CCDC57: variants seen among roughly 807,000 people sequenced by gnomAD.
The protein encoded by CCDC57 is coiled-coil domain-containing protein 57.
In CCDC57, 118 loss-of-function variants were observed where a neutral mutation model predicts 118.9. That is an observed-to-expected ratio of 0.99 (90% CI 0.86 to 1.16). The LOEUF (loss-of-function observed/expected upper bound fraction) is 1.16. Among genes scored for constraint, CCDC57 ranks in the 50% most tolerant of loss-of-function variants. The probability of loss-of-function intolerance (pLI) is 0.00; values close to 1 mark genes in which losing one functional copy is unlikely to be tolerated. For missense variants in CCDC57, 1,300 were observed against 1,320.7 expected, an observed-to-expected ratio of 0.98 and a Z score of 0.24; for synonymous variants, 527 against 532.9, an observed-to-expected ratio of 0.99 and a Z score of 0.15.
intron 13 of CCDC57, among the ~76,000 whole-genome samples, chr17:82,170,562 AGG>A (rs1568347222): frequency 6.7e-6 from 1 of 149,068 alleles, no homozygotes; most frequent in Non-Finnish European, 1.5e-5. Context: ...GCAGCGGGGG[AGG>A]AGTCACGTGA....
chr17:82,105,985 C>T (rs945957875), intron 19 of CCDC57, among the ~76,000 whole-genome samples: 4 of 152,228 alleles, frequency 2.6e-5, no homozygotes, highest in African/African-American at 9.6e-5. Flanking sequence ...GAGGTGGGCC[C>T]TCGGGGGCCT....
At chr17:82,159,634 T>A (rs1277621598) in intron 14 of CCDC57, among the ~76,000 whole-genome samples, 1 of 152,072 alleles carries the variant, frequency 6.6e-6, no homozygotes, top group Non-Finnish European at 1.5e-5. Flanking sequence ...AAACATCATG[T>A]CGCATACCAT....
At chr17:82,163,316 C>T (rs769520246) in exon 14 of CCDC57, 4 of 1,613,704 alleles carry the variant, frequency 2.5e-6, no homozygotes, top group South Asian at 2.2e-5. Flanking sequence ...GCTTGACCAG[C>T]TTGGACAGAC....
intron 16 of CCDC57, among the ~76,000 whole-genome samples, chr17:82,151,006 C>T (rs1598945322): frequency 1.9e-5 from 2 of 103,394 alleles, no homozygotes; most frequent in African/African-American, 3.6e-5. Flanking sequence ...CAGGCACACA[C>T]CCAGAACCTG....
chr17:82,159,689 TG>T (rs1227416971), intron 14 of CCDC57, among the ~76,000 whole-genome samples: 2 of 130,610 alleles, frequency 1.5e-5, no homozygotes, highest in African/African-American at 5.7e-5. Flanking sequence ...TTTTTTTTTT[TG>T]AGACGGAGTC....
rs768381628 is a variant in CCDC57, at chr17:82,135,734, G to A, written c.2456-1540C>T. Among the ~76,000 whole-genome samples, 9 of 152,164 alleles carry A rather than the reference G, an allele frequency of 5.9e-5. No individual in the cohort carries two copies. In the East Asian group the frequency reaches 1.2e-3, roughly 20 times the overall value. On this transcript the variant is annotated intron_variant, in intron 16 of 19. Coordinates refer to ENST00000665763, the Ensembl canonical transcript of CCDC57. ...AAAATCAAGCCCACTATGGGATCCC[G>A]CCTCACACCCACTAGGTTGGCTGGG...
At chr17:82,127,407 C>T (rs73360060) in intron 19 of CCDC57, 564,580 of 979,276 alleles carry the variant, frequency 0.58, 165,007 homozygotes, top group Non-Finnish European at 0.59. Flanking sequence ...AGTCAGCCTG[C>T]GCCCGGGTGT....
chr17:82,196,258 A>C (rs1263050745), intron 4 of CCDC57, among the ~76,000 whole-genome samples: 1 of 152,240 alleles, frequency 6.6e-6, no homozygotes, highest in Non-Finnish European at 1.5e-5. Context: ...CACTACTTAG[A>C]AAAGTCACCA....
At chr17:82,188,051 C>CAAA (rs11346964) in intron 8 of CCDC57, among the ~76,000 whole-genome samples, 168 bp downstream of exon 7, 4 of 124,416 alleles carry the variant, frequency 3.2e-5, no homozygotes, top group Non-Finnish European at 3.5e-5. Context: ...AAAGAAAAGG[C>CAAA]AAAAAAAAAA....
chr17:82,200,461 T>C (rs2048861674), intron 3 of CCDC57, among the ~76,000 whole-genome samples: 1 of 152,170 alleles, frequency 6.6e-6, no homozygotes, highest in Non-Finnish European at 1.5e-5. Flanking sequence ...AAGAATAGTT[T>C]ACTCCTGCGG....
At chr17:82,130,813 T>C (rs531479123) in intron 17 of CCDC57, among the ~76,000 whole-genome samples, 1 of 140,438 alleles carries the variant, frequency 7.1e-6, no homozygotes, top group Non-Finnish European at 1.6e-5. Context: ...TCCTTTTTTT[T>C]GGGGGGGTGG....
Position 82,209,909 on chromosome 17 carries a change from A to T in CCDC57, c.-210-1861T>A, listed in dbSNP as rs545805609. ...AAGAAGAAATGGCATCCCAGTAGCA[A>T]TATGTCTATCTGGTACTGGGATCTT... On this transcript the variant is annotated intron_variant, in intron 1 of 19. Transcript: ENST00000665763. Among the ~76,000 whole-genome samples the T allele has an allele frequency of 2.6e-5, 4 of 152,328 alleles. No homozygotes were observed. The East Asian group carries it at 7.7e-4, about 29-fold the overall frequency.
At chr17:82,163,450 C>T (rs1000326371) in intron 13 of CCDC57, 93 bp from the exon 13 acceptor site, 10 of 1,482,190 alleles carry the variant, frequency 6.7e-6, no homozygotes, top group Middle Eastern at 1.8e-4. Flanking sequence ...CTCCCTTTCC[C>T]GTGAGGCCAT....
At chr17:82,147,663 G>A (rs1408513842) in intron 16 of CCDC57, among the ~76,000 whole-genome samples, 1 of 146,786 alleles carries the variant, frequency 6.8e-6, no homozygotes, top group Non-Finnish European at 1.5e-5. Context: ...ATACATGGAA[G>A]GGTGGGTGGG....
chr17:82,144,504 G>A (rs115351885), intron 16 of CCDC57, among the ~76,000 whole-genome samples: 3 of 152,060 alleles, frequency 2.0e-5, no homozygotes, highest in Admixed American at 6.6e-5. Context: ...GAAAAGATGG[G>A]GCTGCCTTGT....
At chr17:82,102,963 G>T (rs2034567719) in intron 19 of CCDC57, among the ~76,000 whole-genome samples, 2 of 152,224 alleles carry the variant, frequency 1.3e-5, no homozygotes, top group African/African-American at 4.8e-5. Context: ...TGTGGCTGGG[G>T]TGAGGTCTAG....
exon 13 of CCDC57, chr17:82,171,817 A>G: frequency 1.2e-6 from 2 of 1,613,852 alleles, no homozygotes; most frequent in Non-Finnish European, 1.7e-6. Context: ...CTTATGCTTT[A>G]GAGTTCGTAT....
intron 1 of CCDC57, among the ~76,000 whole-genome samples, chr17:82,209,312 G>A (rs2050010440): frequency 6.6e-6 from 1 of 152,182 alleles, no homozygotes; most frequent in Non-Finnish European, 1.5e-5. Flanking sequence ...TTGTAGTTGA[G>A]TTTAGACTTT....
rs868572023 is a variant in CCDC57 at position 82,184,027 on chromosome 17, G to A, written c.1053-95C>T. The A allele has an allele frequency of 5.7e-3, 1,882 of 327,764 alleles. 8 individuals are homozygous for A. Among genetic ancestry groups the A allele is most frequent in the East Asian group, 0.013 (192 of 14,548 alleles). 20.3% of individuals were successfully genotyped at this position (327,764 alleles called of 1,614,324 possible). ...CCAGCAAATACACATGCGCGCGCGCGCGCGCACACACACACACACACACAC... is the reference window on the plus strand; with the variant it reads ...CCAGCAAATACACATGCGCGCGCGCACGCGCACACACACACACACACACAC... On this transcript the variant is annotated intron_variant, in intron 8 of 19. Transcript: ENST00000665763.
Sources: gnomAD v4.1 joint callset for allele counts (sites outside exome capture counted in the v4.1 genomes callset) on GRCh38, gnomAD v4.1.1 for gene constraint, MANE v1.5 for transcripts, NCBI Gene and HGNC (gene_info 2026-07-23, HGNC 2026-07-21) for gene names.